PTPRD: variants seen among roughly 807,000 people sequenced by gnomAD.
PTPRD encodes receptor-type tyrosine-protein phosphatase delta.
A neutral mutation model predicts 214.5 loss-of-function variants in PTPRD; 34 were observed. The ratio of observed to expected loss-of-function variants is 0.16; its 90% CI spans 0.12 to 0.21. The LOEUF is 0.21. PTPRD is among the 10% of genes least tolerant of loss of function. The pLI, the probability that PTPRD is intolerant of heterozygous loss-of-function variation, is 1.00. For synonymous variants in PTPRD, 1,128 were observed against 845.7 expected, an observed-to-expected ratio of 1.33 and a Z score of -5.79; for missense variants, 2,545 against 2,398.7, an observed-to-expected ratio of 1.06 and a Z score of -1.27.
intron 5 of PTPRD, among the ~76,000 whole-genome samples, chr9:9,915,498 C>A (rs2080468417): frequency 1.3e-5 from 2 of 150,970 alleles, no homozygotes; most frequent in South Asian, 2.1e-4. Flanking sequence ...GAAGACAACT[C>A]ATGATTTGAA....
chr9:8,585,033 G>A (rs1285952626), intron 14 of PTPRD, among the ~76,000 whole-genome samples: 1 of 152,106 alleles, frequency 6.6e-6, no homozygotes, highest in Non-Finnish European at 1.5e-5. Flanking sequence ...CTCATAACAC[G>A]TGGGGATTAG....
At chr9:8,476,673 A>G (rs1004840277) in intron 30 of PTPRD, among the ~76,000 whole-genome samples, 2 of 152,180 alleles carry the variant, frequency 1.3e-5, no homozygotes, top group African/African-American at 4.8e-5. Context: ...ACAAATTTAT[A>G]TATTTATAAA....
chr9:9,494,639 A>G (rs548367246), intron 8 of PTPRD, among the ~76,000 whole-genome samples: 1 of 152,362 alleles, frequency 6.6e-6, no homozygotes, highest in East Asian at 1.9e-4. Context: ...TGTAAAAAGT[A>G]AACTATGAAA....
intron 2 of PTPRD, among the ~76,000 whole-genome samples, chr9:10,547,691 C>T (rs952421820): frequency 8.6e-5 from 13 of 151,354 alleles, no homozygotes; most frequent in East Asian, 7.7e-4. Flanking sequence ...CAAACATATA[C>T]ATATATGTTA....
intron 3 of PTPRD, among the ~76,000 whole-genome samples, chr9:10,176,287 T>C (rs528140313): frequency 6.6e-6 from 1 of 151,970 alleles, no homozygotes; most frequent in Admixed American, 6.6e-5. Context: ...TGTTTTTTTT[T>C]CCCTATTCCA....
chr9:10,588,995 T>G (rs1218166093), intron 2 of PTPRD, among the ~76,000 whole-genome samples: 1 of 152,040 alleles, frequency 6.6e-6, no homozygotes, highest in Non-Finnish European at 1.5e-5. Context: ...GTAGAACCTT[T>G]TCGTCTCACA....
At chr9:9,384,343 C>CTTATTT (rs2063209498) in intron 9 of PTPRD, among the ~76,000 whole-genome samples, 1 of 33,316 alleles carries the variant, frequency 3.0e-5, no homozygotes, top group Non-Finnish European at 7.0e-5. Context: ...GAAGACTAGG[C>CTTATTT]TTTTTTTTTT....
intron 2 of PTPRD, among the ~76,000 whole-genome samples, chr9:10,541,690 T>C (rs991747857): frequency 9.9e-5 from 15 of 151,912 alleles, no homozygotes; most frequent in East Asian, 3.9e-4. Context: ...TCACCACAGG[T>C]TTTTAAAAAG....
intron 11 of PTPRD, among the ~76,000 whole-genome samples, chr9:8,907,333 T>C (rs1045919332): frequency 1.3e-5 from 2 of 151,760 alleles, no homozygotes; most frequent in African/African-American, 4.8e-5. Flanking sequence ...ATAAACATGT[T>C]CAAGGAATAA....
chr9:9,661,273 A>C (rs2154380044), intron 7 of PTPRD, among the ~76,000 whole-genome samples: 1 of 152,080 alleles, frequency 6.6e-6, no homozygotes, highest in South Asian at 2.1e-4. Context: ...TAATTATATG[A>C]AAATACTGGC....
chr9:9,549,095 T>C (rs557743842), intron 8 of PTPRD, among the ~76,000 whole-genome samples: 21 of 152,180 alleles, frequency 1.4e-4, no homozygotes, highest in African/African-American at 4.8e-4. Context: ...AATCTTGAAG[T>C]AGGCAATATT....
chr9:9,422,567 C>T (rs1399772983), intron 8 of PTPRD, among the ~76,000 whole-genome samples: 1 of 152,076 alleles, frequency 6.6e-6, no homozygotes, highest in Admixed American at 6.6e-5. Flanking sequence ...TAAATACTGT[C>T]CATTTTTCTC....
intron 7 of PTPRD, among the ~76,000 whole-genome samples, chr9:9,580,977 G>T (rs1348060232): frequency 7.2e-5 from 11 of 152,212 alleles, no homozygotes; most frequent in Non-Finnish European, 1.0e-4. Flanking sequence ...TCTGTGGGTT[G>T]TGTGTTCCCT....
chr9:8,357,921 T>TC (rs1490706422), intron 39 of PTPRD, among the ~76,000 whole-genome samples: 1 of 152,184 alleles, frequency 6.6e-6, no homozygotes, highest in Non-Finnish European at 1.5e-5. Context: ...AATAGCCTAC[T>TC]CCCAGTCCCT....
chr9:9,535,719 G>T (rs528380289), intron 8 of PTPRD, among the ~76,000 whole-genome samples: 8 of 152,008 alleles, frequency 5.3e-5, no homozygotes, highest in Non-Finnish European at 1.0e-4. Flanking sequence ...TCACGTTAAA[G>T]GGCCTGGAAG....
chr9:8,460,018 T>C (rs2096346760), intron 33 of PTPRD, among the ~76,000 whole-genome samples: 1 of 152,106 alleles, frequency 6.6e-6, no homozygotes, highest in Non-Finnish European at 1.5e-5. Flanking sequence ...AATTGCAAAA[T>C]CGTGATAGTG....
chr9:9,333,504 T>TATAGTATATATATATATATATATA (rs1555249397), intron 9 of PTPRD, among the ~76,000 whole-genome samples: 1 of 137,248 alleles, frequency 7.3e-6, no homozygotes, highest in Non-Finnish European at 1.5e-5. Context: ...ATATAGTATA[T>TATAGTATATATATATATATATATA]TATATATATA....
chr9:8,341,319 A>G (rs1377499944), intron 40 of PTPRD, 51 bp from the exon 41 acceptor site: 1 of 1,527,412 alleles, frequency 6.5e-7, no homozygotes, highest in Non-Finnish European at 8.8e-7. Flanking sequence ...GATCATTTTC[A>G]CCTACAGTTT....
chr9:10,247,978 T>C (rs1019035815), intron 3 of PTPRD, among the ~76,000 whole-genome samples: 8 of 152,054 alleles, frequency 5.3e-5, no homozygotes, highest in South Asian at 2.1e-4. Flanking sequence ...GTTCTCATGA[T>C]AGTGAATAGG....
Sources: allele counts gnomAD v4.1 joint callset (sites outside exome capture counted in the v4.1 genomes callset), GRCh38; gene constraint gnomAD v4.1.1; transcripts MANE v1.5; gene names NCBI Gene and HGNC (gene_info 2026-07-23, HGNC 2026-07-21).